The following NKAIN2 variants were observed in gnomAD, a reference collection of about 807,000 sequenced individuals.
NKAIN2 encodes the protein sodium/potassium-transporting ATPase subunit beta-1-interacting protein 2.
NKAIN2 carries 14 observed loss-of-function variants against 32.6 expected under a neutral mutation model. The observed-to-expected ratio is 0.43, with a 90% CI of 0.28 to 0.67. NKAIN2 has a LOEUF of 0.67. Among genes scored for constraint, NKAIN2 ranks in the 30% least tolerant of loss-of-function variants. The pLI, the probability that NKAIN2 is intolerant of heterozygous loss-of-function variation, is 0.17. For missense variants in NKAIN2, 198 were observed against 258.3 expected (o/e 0.77, Z 1.60); for synonymous variants, 80 against 87.2 (o/e 0.92, Z 0.46).
chr6:123,975,736 C>T (rs985508616), intron 1 of NKAIN2, among the ~76,000 whole-genome samples: 4 of 152,008 alleles, frequency 2.6e-5, no homozygotes, highest in East Asian at 1.9e-4. Flanking sequence ...TTTATAAAGG[C>T]ACCAATCCCA....
intron 1 of NKAIN2, among the ~76,000 whole-genome samples, chr6:124,098,772 A>G (rs892298421): frequency 1.1e-4 from 17 of 152,074 alleles, no homozygotes. Flanking sequence ...CGGGAGGCTG[A>G]GGCAGGAGAA....
intron 1 of NKAIN2, among the ~76,000 whole-genome samples, chr6:124,028,814 T>C (rs1781249994): frequency 7.1e-6 from 1 of 141,600 alleles, no homozygotes; most frequent in African/African-American, 2.8e-5. Context: ...TATATATACG[T>C]ATATGTGTAT....
chr6:124,197,630 C>T (rs1216112817), intron 1 of NKAIN2, among the ~76,000 whole-genome samples: 1 of 151,944 alleles, frequency 6.6e-6, no homozygotes, highest in Non-Finnish European at 1.5e-5. Context: ...TAAAATTCAC[C>T]CTTTTACATG....
intron 4 of NKAIN2, among the ~76,000 whole-genome samples, chr6:124,764,061 G>A (rs1430304924): frequency 1.3e-5 from 2 of 152,098 alleles, no homozygotes; most frequent in Non-Finnish European, 2.9e-5. Flanking sequence ...TCCAACTATA[G>A]TCTTTGGCTC....
intron 2 of NKAIN2, among the ~76,000 whole-genome samples, chr6:124,290,554 G>GTGAA (rs1795760475): frequency 6.7e-6 from 1 of 149,128 alleles, no homozygotes; most frequent in Non-Finnish European, 1.5e-5. Context: ...GTGTGTGTGC[G>GTGAA]TCTGTGTTGC....
At chr6:124,113,277 C>A (rs114282215) in intron 1 of NKAIN2, among the ~76,000 whole-genome samples, 2 of 152,066 alleles carry the variant, frequency 1.3e-5, no homozygotes, top group African/African-American at 4.8e-5. Context: ...GCTATGGTGT[C>A]TATAACCCAC....
chr6:124,429,494 T>C (rs1253455123), intron 3 of NKAIN2, among the ~76,000 whole-genome samples: 1 of 152,230 alleles, frequency 6.6e-6, no homozygotes, highest in Non-Finnish European at 1.5e-5. Context: ...CTGTTGTGGC[T>C]AGCCACTCAG....
At chr6:124,466,721 A>G (rs1337358131) in intron 3 of NKAIN2, among the ~76,000 whole-genome samples, 1 of 149,332 alleles carries the variant, frequency 6.7e-6, no homozygotes, top group African/African-American at 2.5e-5. Flanking sequence ...AGTCAAAAAG[A>G]GAATTTATTT....
intron 2 of NKAIN2, among the ~76,000 whole-genome samples, chr6:124,332,613 A>G (rs1395285627): frequency 1.3e-5 from 2 of 152,136 alleles, no homozygotes; most frequent in Non-Finnish European, 2.9e-5. Context: ...AGAAATTATA[A>G]CTACACCCTT....
intron 3 of NKAIN2, among the ~76,000 whole-genome samples, chr6:124,592,230 A>T (rs942621010): frequency 2.6e-5 from 4 of 152,220 alleles, no homozygotes; most frequent in Non-Finnish European, 5.9e-5. Flanking sequence ...AAGAAACAAC[A>T]ACAAAAAATA....
At position 124,080,941 on chromosome 6, in the gene NKAIN2, C is replaced by T. The variant is rs111431647; in HGVS notation, c.55-202064C>T. Among the ~76,000 whole-genome samples the T allele has an allele frequency of 7.7e-3, 1,165 of 152,146 alleles. 14 individuals carry two copies. Among genetic ancestry groups the T allele is most frequent in the African/African-American group, 0.027 (1,121 of 41,522 alleles). On this transcript the variant is annotated intron_variant, in intron 1 of 6. Coordinates refer to ENST00000368417, the MANE Select transcript of NKAIN2 (RefSeq NM_001040214.3). ...CTAAATTATTGATGATAAACTAACTCGCCTGCATAGGTATAAATCCCACCA... is the reference window on the plus strand; with the variant it reads ...CTAAATTATTGATGATAAACTAACTTGCCTGCATAGGTATAAATCCCACCA...
At chr6:124,271,637 A>C (rs754143643) in intron 1 of NKAIN2, among the ~76,000 whole-genome samples, 2 of 152,202 alleles carry the variant, frequency 1.3e-5, no homozygotes, top group African/African-American at 2.4e-5. Flanking sequence ...ATAACCTGAA[A>C]ATGTGGAATT....
intron 3 of NKAIN2, among the ~76,000 whole-genome samples, chr6:124,565,404 C>T (rs113320589): frequency 6.6e-6 from 1 of 152,082 alleles, no homozygotes; most frequent in African/African-American, 2.4e-5. Context: ...AAATATAATC[C>T]AAACAAAGGA....
chr6:124,805,780 A>C (rs2114843799), intron 5 of NKAIN2, among the ~76,000 whole-genome samples: 1 of 152,356 alleles, frequency 6.6e-6, no homozygotes, highest in South Asian at 2.1e-4. Flanking sequence ...TAACCAATAC[A>C]GAGAAGTGCT....
At chr6:123,819,188 T>A (rs1209762220) in intron 1 of NKAIN2, among the ~76,000 whole-genome samples, 1 of 152,196 alleles carries the variant, frequency 6.6e-6, no homozygotes, top group Admixed American at 6.5e-5. Flanking sequence ...CGTTAATAGA[T>A]AATCTGCAGT....
chr6:123,985,050 G>A (rs1178556086), intron 1 of NKAIN2, among the ~76,000 whole-genome samples: 1 of 152,052 alleles, frequency 6.6e-6, no homozygotes, highest in Non-Finnish European at 1.5e-5. Context: ...TAAACGTACA[G>A]GTGAGCAATG....
At chr6:124,728,492 A>G (rs1359673824) in intron 4 of NKAIN2, among the ~76,000 whole-genome samples, 4 of 112,912 alleles carry the variant, frequency 3.5e-5, no homozygotes, top group African/African-American at 1.4e-4. Context: ...AGAAATAAAG[A>G]TGTTCTTTGA....
At chr6:124,756,499 A>T (rs1288151581) in intron 4 of NKAIN2, among the ~76,000 whole-genome samples, 2 of 152,160 alleles carry the variant, frequency 1.3e-5, no homozygotes, top group Admixed American at 1.3e-4. Flanking sequence ...TATTGAAAGA[A>T]TATTTAAATA....
At chr6:124,401,481 G>C (rs771419223) in intron 3 of NKAIN2, among the ~76,000 whole-genome samples, 5 of 152,154 alleles carry the variant, frequency 3.3e-5, no homozygotes, top group Non-Finnish European at 7.3e-5. Context: ...CAGCAGAGTT[G>C]AATACTTGTG....
Sources: allele counts gnomAD v4.1 joint callset (sites outside exome capture counted in the v4.1 genomes callset), GRCh38; gene constraint gnomAD v4.1.1; transcripts MANE v1.5; gene names NCBI Gene and HGNC (gene_info 2026-07-23, HGNC 2026-07-21).